SPAG16: variants seen among roughly 807,000 people sequenced by gnomAD.
The protein encoded by SPAG16 is sperm associated antigen 16.
Under a neutral mutation model 80.4 loss-of-function variants are expected in SPAG16, and 86 were observed. The observed-to-expected ratio is 1.07, with a 90% CI of 0.90 to 1.28. The LOEUF is 1.28. Among genes scored for constraint, SPAG16 ranks in the 50% most tolerant of loss-of-function variants. SPAG16 has a pLI of 0.00. For synonymous variants in SPAG16, 294 were observed against 265.9 expected (o/e 1.11, Z -1.03); for missense variants, 870 against 765.3 (o/e 1.14, Z -1.61).
At chr2:213,383,285 A>G (rs949504844) in intron 9 of SPAG16, among the ~76,000 whole-genome samples, 2 of 152,152 alleles carry the variant, frequency 1.3e-5, no homozygotes, top group Non-Finnish European at 2.9e-5. Context: ...TCCTATTATT[A>G]TAGAAATATA....
intron 10 of SPAG16, among the ~76,000 whole-genome samples, chr2:213,589,730 T>C (rs896733791): frequency 2.0e-5 from 3 of 152,112 alleles, no homozygotes; most frequent in Admixed American, 1.3e-4. Context: ...AAGACCAGGC[T>C]GGACAACATG....
intron 10 of SPAG16, among the ~76,000 whole-genome samples, chr2:213,718,635 G>T (rs760252432): frequency 2.2e-4 from 34 of 152,206 alleles, no homozygotes; most frequent in Non-Finnish European, 4.1e-4. Flanking sequence ...TAGCACCCGG[G>T]CCAGTGGCTG....
intron 10 of SPAG16, among the ~76,000 whole-genome samples, chr2:213,784,835 C>A (rs557618945): frequency 1.3e-5 from 2 of 151,844 alleles, no homozygotes; most frequent in Admixed American, 1.3e-4. Context: ...TACTTTTATG[C>A]TCCCTTGAGA....
chr2:213,408,698 A>G (rs534937630), intron 9 of SPAG16, among the ~76,000 whole-genome samples: 1 of 152,338 alleles, frequency 6.6e-6, no homozygotes, highest in African/African-American at 2.4e-5. Flanking sequence ...ATGGTTATTC[A>G]GTAATTGATA....
chr2:213,607,289 C>T (rs1321662489), intron 10 of SPAG16, among the ~76,000 whole-genome samples: 2 of 152,000 alleles, frequency 1.3e-5, no homozygotes, highest in African/African-American at 2.4e-5. Flanking sequence ...TTGTATAAAG[C>T]AAATCAATAA....
intron 15 of SPAG16, chr2:214,241,110 T>G (rs1330820925): frequency 2.0e-5 from 3 of 152,156 alleles, no homozygotes; most frequent in Non-Finnish European, 4.4e-5. Flanking sequence ...CCTAGCACTT[T>G]GGGAGGCCGA....
intron 13 of SPAG16, among the ~76,000 whole-genome samples, chr2:214,055,529 C>G (rs1407274449): frequency 2.0e-5 from 3 of 152,090 alleles, no homozygotes; most frequent in Admixed American, 6.6e-5. Flanking sequence ...CCTTCTTTAA[C>G]TTCTTCTTAA....
At chr2:213,616,846 T>C (rs77531428) in intron 10 of SPAG16, among the ~76,000 whole-genome samples, 31 of 152,280 alleles carry the variant, frequency 2.0e-4, no homozygotes, top group African/African-American at 7.5e-4. Flanking sequence ...AGGAATTTAC[T>C]AAGAGCACCC....
intron 10 of SPAG16, among the ~76,000 whole-genome samples, chr2:213,716,789 G>A (rs1260935938): frequency 6.6e-6 from 1 of 151,934 alleles, no homozygotes; most frequent in Non-Finnish European, 1.5e-5. Flanking sequence ...ATTTGCTATC[G>A]GTAGGACCTG....
chr2:213,752,043 TC>T (rs1227051154), intron 10 of SPAG16, among the ~76,000 whole-genome samples: 1 of 152,198 alleles, frequency 6.6e-6, no homozygotes, highest in Non-Finnish European at 1.5e-5. Flanking sequence ...GCCCCACTAC[TC>T]CCACTCCAAA....
chr2:213,592,837 A>C (rs1350612116), intron 10 of SPAG16, among the ~76,000 whole-genome samples: 1 of 152,214 alleles, frequency 6.6e-6, no homozygotes, highest in African/African-American at 2.4e-5. Context: ...TACTGTTCCT[A>C]TAGCAGGTGG....
intron 10 of SPAG16, among the ~76,000 whole-genome samples, chr2:213,753,644 C>A (rs1198141666): frequency 2.0e-5 from 3 of 152,140 alleles, no homozygotes; most frequent in African/African-American, 7.2e-5. Flanking sequence ...GGATCAGGTA[C>A]CTCACATAGC....
At chr2:213,453,539 G>A (rs903000230) in intron 9 of SPAG16, among the ~76,000 whole-genome samples, 1 of 152,190 alleles carries the variant, frequency 6.6e-6, no homozygotes, top group African/African-American at 2.4e-5. Flanking sequence ...ATAAAATGGG[G>A]AATTGTGGTA....
chr2:214,392,269 C>T (rs1701127413), intron 15 of SPAG16, among the ~76,000 whole-genome samples: 1 of 152,086 alleles, frequency 6.6e-6, no homozygotes, highest in Non-Finnish European at 1.5e-5. Context: ...AATCCTCCTA[C>T]CTTGGCCTCT....
intron 10 of SPAG16, among the ~76,000 whole-genome samples, chr2:213,524,039 C>T (rs758667645): frequency 4.6e-5 from 7 of 152,212 alleles, no homozygotes; most frequent in African/African-American, 1.2e-4. Flanking sequence ...CAGCCCCTCT[C>T]ATCTCAGGCC....
At chr2:214,177,122 T>A (rs1190452366) in intron 15 of SPAG16, among the ~76,000 whole-genome samples, 1 of 151,214 alleles carries the variant, frequency 6.6e-6, no homozygotes, top group East Asian at 1.9e-4. Flanking sequence ...GCTTATGATA[T>A]TTATATGAAA....
At position 213,728,876 on chromosome 2, in the gene SPAG16, C is replaced by CAAAAA. The variant is rs58070679; in HGVS notation, c.1071-133568_1071-133564dup. Among the ~76,000 whole-genome samples, 68 of 58,460 alleles carry CAAAAA rather than the reference C, an allele frequency of 1.2e-3. 1 individual carries two copies. The highest frequency in any genetic ancestry group is 1.7e-3 in the African/African-American group (20 of 11,990). The allele number at this position is 58,460 out of a possible 152,430, so 38.4% of individuals were successfully genotyped here. ...TGGGCGACAGAGTGAGACTCCGTCT[C>CAAAAA]AAAAAAAAAAAAAAAAAAAAAAAAA... On this transcript the variant is annotated intron_variant, in intron 10 of 15. Coordinates refer to ENST00000331683, the MANE Select transcript of SPAG16 (RefSeq NM_024532.5).
chr2:213,866,783 A>G (rs1186454589), intron 11 of SPAG16, among the ~76,000 whole-genome samples: 1 of 152,208 alleles, frequency 6.6e-6, no homozygotes, highest in Non-Finnish European at 1.5e-5. Context: ...TGGAAGCTTA[A>G]TTACTTCTCC....
At chr2:213,332,077 A>C (rs2064133759) in intron 5 of SPAG16, among the ~76,000 whole-genome samples, 1 of 152,180 alleles carries the variant, frequency 6.6e-6, no homozygotes, top group African/African-American at 2.4e-5. Flanking sequence ...GAAGAAAGCA[A>C]TACAAAAGTC....
Sources: gnomAD v4.1 joint callset for allele counts (sites outside exome capture counted in the v4.1 genomes callset) on GRCh38, gnomAD v4.1.1 for gene constraint, MANE v1.5 for transcripts, NCBI Gene and HGNC (gene_info 2026-07-23, HGNC 2026-07-21) for gene names.